IQGAP1: variants seen among roughly 807,000 people sequenced by gnomAD.
The protein encoded by IQGAP1 is IQ motif containing GTPase activating protein 1.
Under a neutral mutation model 215.6 loss-of-function variants are expected in IQGAP1, and 66 were observed. The ratio of observed to expected loss-of-function variants is 0.31; its 90% CI spans 0.25 to 0.38. IQGAP1 has a LOEUF of 0.38. Ranked by LOEUF, IQGAP1 falls within the 10% of genes least tolerant of loss-of-function variation. The pLI, the probability that IQGAP1 is intolerant of heterozygous loss-of-function variation, is 1.00. For synonymous variants in IQGAP1, 772 were observed against 728.7 expected (o/e 1.06, Z -0.96); for missense variants, 1,712 against 1,997.1 (o/e 0.86, Z 2.72).
chr15:90,449,196 G>C (rs760365775), intron 10 of IQGAP1, among the ~76,000 whole-genome samples: 6 of 151,776 alleles, frequency 4.0e-5, no homozygotes, highest in Non-Finnish European at 7.4e-5. Flanking sequence ...CAAACATGAG[G>C]GGCTTTCTTT....
At chr15:90,465,128 A>C (rs535552826) in intron 15 of IQGAP1, among the ~76,000 whole-genome samples, 5 of 152,322 alleles carry the variant, frequency 3.3e-5, no homozygotes, top group African/African-American at 1.2e-4. Flanking sequence ...ATTTGCTTTT[A>C]AGTTCCCAGC....
intron 2 of IQGAP1, among the ~76,000 whole-genome samples, chr15:90,403,650 A>T (rs1413059147): frequency 2.0e-5 from 3 of 152,194 alleles, no homozygotes; most frequent in Non-Finnish European, 4.4e-5. Flanking sequence ...AAGTGGTTGC[A>T]CACTGTACAT....
Position 90,388,264 on chromosome 15 carries a change from T to G in IQGAP1, c.-78T>G. The G allele has an allele frequency of 1.3e-6, 2 of 1,518,764 alleles. No individual in the cohort carries two copies. The highest frequency in any genetic ancestry group is 1.4e-5 in the African/African-American group (1 of 70,352). 94.1% of individuals were successfully genotyped at this position (1,518,764 alleles called of 1,614,324 possible). ...GGGGACCCCGGCAAGCCCGCGCACT[T>G]GGCAGGAGCTGTAGCTACCGCCGTC... On this transcript the variant is annotated 5_prime_UTR_variant, in exon 1 of 38. Coordinates refer to ENST00000268182, the MANE Select transcript of IQGAP1 (RefSeq NM_003870.4).
chr15:90,480,217 T>C (rs1596288106), intron 26 of IQGAP1, among the ~76,000 whole-genome samples: 2 of 116,300 alleles, frequency 1.7e-5, no homozygotes, highest in East Asian at 4.8e-4. Context: ...AGACCCCATA[T>C]CTTAAAAAAA....
intron 2 of IQGAP1, among the ~76,000 whole-genome samples, chr15:90,394,161 A>AGTG (rs141836398): frequency 0.14 from 19,253 of 133,966 alleles, 1,740 homozygotes; most frequent in South Asian, 0.21. Context: ...AAAAAAAGGC[A>AGTG]GTGGAGACAT....
At position 90,467,428 on chromosome 15, in the gene IQGAP1, TCTTTC is replaced by T; in HGVS notation, c.2036-17_2036-13del. 6.2e-7 allele frequency: 1 copy of T among 1,603,878 alleles called. No individual in the cohort carries two copies. The highest frequency in any genetic ancestry group is 8.5e-7 in the Non-Finnish European group (1 of 1,176,042). ...GGAGTGTGGCTCTGGATGTCTTCTA[TCTTTC>T]CTTTATTTTCTGCCAGGAGATAATA... On this transcript the variant is annotated splice_polypyrimidine_tract_variant and intron_variant, in intron 17 of 37. Coordinates refer to ENST00000268182, the MANE Select transcript of IQGAP1 (RefSeq NM_003870.4).
intron 37 of IQGAP1, among the ~76,000 whole-genome samples, chr15:90,498,628 T>C (rs1966302749): frequency 6.6e-6 from 1 of 152,074 alleles, no homozygotes; most frequent in African/African-American, 2.4e-5. Flanking sequence ...TTCCAACAGA[T>C]AATTGAACTT....
intron 33 of IQGAP1, among the ~76,000 whole-genome samples, chr15:90,487,857 T>C (rs1966148784): frequency 6.6e-6 from 1 of 152,152 alleles, no homozygotes; most frequent in African/African-American, 2.4e-5. Context: ...CAGGCGATTC[T>C]TTCCAGCACC....
intron 28 of IQGAP1, 66 bp from the exon 29 acceptor site, chr15:90,483,295 A>G (rs1966083823): frequency 8.2e-7 from 1 of 1,224,694 alleles, no homozygotes; most frequent in Non-Finnish European, 1.2e-6. Context: ...TTTGCTAGCA[A>G]AGTCATTTAT....
intron 5 of IQGAP1, among the ~76,000 whole-genome samples, chr15:90,437,998 A>G (rs1266450006): frequency 6.6e-6 from 1 of 152,170 alleles, no homozygotes; most frequent in Non-Finnish European, 1.5e-5. Context: ...TATAAATTCT[A>G]GTGTGTTTTG....
chr15:90,469,297 A>G (rs532344826), intron 18 of IQGAP1, among the ~76,000 whole-genome samples: 4 of 152,330 alleles, frequency 2.6e-5, no homozygotes, highest in East Asian at 3.9e-4. Flanking sequence ...TCAAAAGGTC[A>G]TTTACTTCCC....
At chr15:90,487,399 G>GT in intron 32 of IQGAP1, 96 bp from the exon 33 acceptor site, 1 of 860,444 alleles carries the variant, frequency 1.2e-6, no homozygotes, top group South Asian at 1.5e-5. Context: ...CTTCTGTGAG[G>GT]TACTGTTTGT....
intron 2 of IQGAP1, among the ~76,000 whole-genome samples, chr15:90,408,199 G>A (rs2151005961): frequency 6.6e-6 from 1 of 152,296 alleles, no homozygotes; most frequent in Middle Eastern, 3.4e-3. Context: ...TTACAAAGTA[G>A]GTGCTTGGGG....
At chr15:90,466,613 C>T (rs1965836215) in intron 17 of IQGAP1, among the ~76,000 whole-genome samples, 177 bp downstream of exon 17, 1 of 149,838 alleles carries the variant, frequency 6.7e-6, no homozygotes, top group African/African-American at 2.5e-5. Context: ...TCCCCCCCCC[C>T]TTGTGGACAG....
intron 9 of IQGAP1, 97 bp downstream of exon 9, chr15:90,443,575 C>CT: frequency 1.5e-6 from 1 of 685,286 alleles, no homozygotes; most frequent in Admixed American, 2.9e-5. Context: ...GATTTACTTA[C>CT]TTTAGACATT....
chr15:90,442,517 G>A (rs564774333), intron 8 of IQGAP1, among the ~76,000 whole-genome samples: 1 of 152,262 alleles, frequency 6.6e-6, no homozygotes, highest in Non-Finnish European at 1.5e-5. Context: ...ACAAAACGAA[G>A]ACAATCCTGC....
intron 26 of IQGAP1, among the ~76,000 whole-genome samples, chr15:90,478,793 T>C (rs947633817): frequency 1.3e-5 from 2 of 152,136 alleles, no homozygotes; most frequent in African/African-American, 4.8e-5. Flanking sequence ...TTGGGTGAGA[T>C]CACTGTGTTT....
intron 14 of IQGAP1, among the ~76,000 whole-genome samples, chr15:90,455,704 G>T (rs1410980475): frequency 6.6e-6 from 1 of 152,222 alleles, no homozygotes; most frequent in African/African-American, 2.4e-5. Flanking sequence ...TTTGTTTGCT[G>T]TGTAATCTTG....
intron 18 of IQGAP1, among the ~76,000 whole-genome samples, chr15:90,471,288 A>G (rs1010478341): frequency 6.6e-6 from 1 of 152,074 alleles, no homozygotes; most frequent in Non-Finnish European, 1.5e-5. Context: ...CATTCTTAGC[A>G]TGTGGCTTCC....
Sources: gnomAD v4.1 joint callset for allele counts (sites outside exome capture counted in the v4.1 genomes callset) on GRCh38, gnomAD v4.1.1 for gene constraint, MANE v1.5 for transcripts, NCBI Gene and HGNC (gene_info 2026-07-23, HGNC 2026-07-21) for gene names.